EEF1AKMT3: variants seen among roughly 807,000 people sequenced by gnomAD.
EEF1AKMT3 encodes EEF1A lysine methyltransferase 3.
EEF1AKMT3 carries 17 observed loss-of-function variants against 17.8 expected under a neutral mutation model. The observed-to-expected ratio is 0.96, with a 90% CI of 0.65 to 1.43. The LOEUF is 1.43. Among genes scored for constraint, EEF1AKMT3 ranks in the 40% most tolerant of loss-of-function variants. The probability of loss-of-function intolerance (pLI) is 0.00; values close to 1 mark genes in which losing one functional copy is unlikely to be tolerated. For synonymous variants in EEF1AKMT3, 116 were observed against 126.5 expected (o/e 0.92, Z 0.56); for missense variants, 244 against 285.8 (o/e 0.85, Z 1.06).
chr12:57,780,236 C>A lies in EEF1AKMT3; in HGVS notation c.290-19C>A. 1 of 1,605,668 alleles carries A rather than the reference C, an allele frequency of 6.2e-7. No individual in the cohort carries two copies. Among genetic ancestry groups the A allele is most frequent in the South Asian group, 1.1e-5 (1 of 90,134 alleles). On this transcript the variant is annotated intron_variant, in intron 2 of 2. Coordinates refer to ENST00000300209, the MANE Select transcript of EEF1AKMT3 (RefSeq NM_015433.3). Reference sequence around the variant, plus strand: ...GTTGGTTCCTCTGACTTGCATTTTTCCTCCTTCCTCTCTCTCAGGGGGGGA... The same window carrying A: ...GTTGGTTCCTCTGACTTGCATTTTTACTCCTTCCTCTCTCTCAGGGGGGGA...
Position 57,780,418 on chromosome 12 carries a change from T to C in EEF1AKMT3, c.453T>C (p.Asp151=). 1 of 1,614,174 alleles carries C rather than the reference T, an allele frequency of 6.2e-7. No individual in the cohort carries two copies. The highest frequency in any genetic ancestry group is 8.5e-7 in the Non-Finnish European group (1 of 1,180,030). The stretch of plus-strand genomic sequence containing the variant: ...ACTATGACCTGGTGCTGGGGGCTGA[T>C]ATCGTGTACCTGGAACCCACCTTCC... ...PANYDLVLGA[D]IVYLEPTFPL... The change falls in exon 3 of 3, where the codon GAT becomes GAC. Residue 151 remains aspartate (D), a synonymous_variant. Transcript: ENST00000300209.
Position 57,780,654 on chromosome 12 carries a change from C to A in EEF1AKMT3, c.*8C>A. The A allele has an allele frequency of 6.2e-7, 1 of 1,603,538 alleles. No homozygotes were observed. The highest frequency in any genetic ancestry group is 8.5e-7 in the Non-Finnish European group (1 of 1,179,808). ...GAACCAAGACCTGCTTGACATCACC[C>A]TTGCTGTTCTTCTCAATCTCTTGCT... On this transcript the variant is annotated 3_prime_UTR_variant, in exon 3 of 3. Coordinates refer to ENST00000300209, the MANE Select transcript of EEF1AKMT3 (RefSeq NM_015433.3).
In EEF1AKMT3 at chr12:57,780,252, CA is replaced by C. The variant is rs768959439; in HGVS notation, c.290-2del. 89 of 1,610,578 alleles carry C rather than the reference CA, an allele frequency of 5.5e-5. No individual in the cohort carries two copies. The highest frequency in any genetic ancestry group is 3.6e-4 in the East Asian group (16 of 44,860). On this transcript the variant is annotated splice_acceptor_variant, in intron 2 of 2. Coordinates refer to ENST00000300209, the MANE Select transcript of EEF1AKMT3 (RefSeq NM_015433.3). LOFTEE classifies it high-confidence loss of function. Reference sequence around the variant, plus strand: ...TGCATTTTTCCTCCTTCCTCTCTCTCAGGGGGGGATGTTACCATCACTGACC... The same window carrying C: ...TGCATTTTTCCTCCTTCCTCTCTCTCGGGGGGGATGTTACCATCACTGACC...
intron 2 of EEF1AKMT3, 45 bp from the exon 3 acceptor site, chr12:57,780,210 G>T (rs748767814): frequency 6.2e-7 from 1 of 1,601,132 alleles, no homozygotes; most frequent in Non-Finnish European, 8.5e-7. Context: ...AAGAACCCTT[G>T]GTTGGTTCCT....
At chr12:57,774,427 C>G (rs1955466793) in intron 2 of EEF1AKMT3, among the ~76,000 whole-genome samples, 1 of 152,176 alleles carries the variant, frequency 6.6e-6, no homozygotes. Context: ...TTGCAGTGAA[C>G]TGAGATCGCA....
rs1295158758 is a variant in EEF1AKMT3, at chr12:57,772,703, A to G, written c.-22A>G. The G allele has an allele frequency of 6.2e-7, 1 of 1,603,728 alleles. No individual in the cohort carries two copies. Among genetic ancestry groups the G allele is most frequent in the African/African-American group, 1.3e-5 (1 of 74,832 alleles). The stretch of plus-strand genomic sequence containing the variant: ...GATCTGAGCGCCGGCCGCGGTGCCC[A>G]GGCACTCCCTTGGCGGGCCGGATGG... On this transcript the variant is annotated 5_prime_UTR_variant, in exon 1 of 3. Coordinates refer to ENST00000300209, the MANE Select transcript of EEF1AKMT3 (RefSeq NM_015433.3). This position sits in a 1 kb window ranked among gnomAD's most constrained non-coding sequence, Gnocchi z 4.1.
Position 57,772,679 on chromosome 12 carries a change from A to T in EEF1AKMT3, c.-46A>T, listed in dbSNP as rs1460823377. 2.6e-6 allele frequency: 4 copies of T among 1,567,954 alleles called. No individual in the cohort carries two copies. The African/African-American group carries it at 5.4e-5, about 21-fold the overall frequency. ...GCCTCTACCCCGCTCCGGATCCGGG[A>T]TCTGAGCGCCGGCCGCGGTGCCCAG... On this transcript the variant is annotated 5_prime_UTR_variant, in exon 1 of 3. Transcript: ENST00000300209. The surrounding 1 kb of genome is among the most constrained non-coding windows in gnomAD (Gnocchi z 4.1).
rs1451511941 is a variant in EEF1AKMT3 at position 57,781,985 on chromosome 12, C to T, written c.*1339C>T. 2.6e-5 allele frequency: 4 copies of T among 152,192 alleles called. No homozygotes were observed. The highest frequency in any genetic ancestry group is 9.7e-5 in the African/African-American group (4 of 41,446). The allele number at this position is 152,192 out of a possible 1,614,324, so 9.4% of individuals were successfully genotyped here. A position where few individuals can be genotyped will look rare whatever the true frequency, so the allele number is the denominator to read the frequency against. ...GTGATCCAAAATTACCTTCCTATTGCATTTCCTACTCCTTTGCTACGTGTA... is the reference window on the plus strand; with the variant it reads ...GTGATCCAAAATTACCTTCCTATTGTATTTCCTACTCCTTTGCTACGTGTA... On this transcript the variant is annotated 3_prime_UTR_variant, in exon 3 of 3. Coordinates refer to ENST00000300209, the MANE Select transcript of EEF1AKMT3 (RefSeq NM_015433.3).
chr12:57,773,206 G>C (rs1232490242), intron 2 of EEF1AKMT3, 78 bp downstream of exon 2: 3 of 1,357,000 alleles, frequency 2.2e-6, no homozygotes, highest in African/African-American at 2.9e-5. Flanking sequence ...GATCTTTGGG[G>C]GAGAGGGGAG....
At position 57,780,484 on chromosome 12, in the gene EEF1AKMT3, T is replaced by C. The variant is rs1469623478; in HGVS notation, c.519T>C (p.His173=). Reference sequence around the variant, plus strand: ...CCCTCCAACACCTGTGCAGGCCCCATGGCACCATCTATCTGGCCTCCAAGA... The same window carrying C: ...CCCTCCAACACCTGTGCAGGCCCCACGGCACCATCTATCTGGCCTCCAAGA... ...LGTLQHLCRP[H]GTIYLASKMR... Residue 173 remains histidine (H), a synonymous_variant, in exon 3 of 3, where the codon CAT becomes CAC. Coordinates refer to ENST00000300209, the MANE Select transcript of EEF1AKMT3 (RefSeq NM_015433.3). 2 of 1,614,194 alleles carry C rather than the reference T, an allele frequency of 1.2e-6. No individual in the cohort carries two copies. Among genetic ancestry groups the C allele is most frequent in the South Asian group, 2.2e-5 (2 of 91,084 alleles).
At chr12:57,776,450 G>A (rs552637045) in intron 2 of EEF1AKMT3, among the ~76,000 whole-genome samples, 51 of 152,278 alleles carry the variant, frequency 3.3e-4, no homozygotes, top group African/African-American at 1.1e-3. Flanking sequence ...TGCTAACTGG[G>A]CTAATTTTAA....
intron 2 of EEF1AKMT3, among the ~76,000 whole-genome samples, chr12:57,775,325 A>T (rs1955473724): frequency 1.3e-5 from 2 of 149,760 alleles, no homozygotes; most frequent in South Asian, 4.2e-4. Flanking sequence ...CTTGTCCCTC[A>T]CTTTCTCCCC....
Position 57,781,418 on chromosome 12 carries a change from C to T in EEF1AKMT3, c.*772C>T, listed in dbSNP as rs11172335. 40,248 of 151,496 alleles carry T rather than the reference C, an allele frequency of 0.27. 6,755 individuals carry two copies. The highest frequency in any genetic ancestry group is 0.65 in the East Asian group (3,341 of 5,130). 9.4% of individuals were successfully genotyped at this position (151,496 alleles called of 1,614,324 possible). A position where few individuals can be genotyped will look rare whatever the true frequency, so the allele number is the denominator to read the frequency against. On this transcript the variant is annotated 3_prime_UTR_variant, in exon 3 of 3. Transcript: ENST00000300209. Reference sequence around the variant, plus strand: ...CTTAAAAATCTATTGTGCAAGAACCCAACTTTTACTCAGGAGCTGAGAAGG... The same window carrying T: ...CTTAAAAATCTATTGTGCAAGAACCTAACTTTTACTCAGGAGCTGAGAAGG...
chr12:57,780,584 CGGGATGAGGATGAAAA>C lies in EEF1AKMT3; in HGVS notation c.620_635del (p.Arg207LeufsTer28), dbSNP rs1402267381. On this transcript the variant is annotated frameshift_variant, in exon 3 of 3. Transcript: ENST00000300209. LOFTEE classifies it high-confidence loss of function. ...GCATTTCCAACTGGAGCTGGCTCAGCGGGATGAGGATGAAAATGTCAACATCTATAGGGCCAGGCAC... is the reference window on the plus strand; with the variant it reads ...GCATTTCCAACTGGAGCTGGCTCAGCTGTCAACATCTATAGGGCCAGGCAC... 1 of 1,613,292 alleles carries C rather than the reference CGGGATGAGGATGAAAA, an allele frequency of 6.2e-7. No homozygotes were observed. The highest frequency in any genetic ancestry group is 8.5e-7 in the Non-Finnish European group (1 of 1,180,034).
Position 57,780,464 on chromosome 12 carries a change from C to CA in EEF1AKMT3, c.501dup (p.His168ThrfsTer42), listed in dbSNP as rs776018735. ...CTTCCCTCTGCTGCTGGGGACCCTCCAACACCTGTGCAGGCCCCATGGCAC... is the reference window on the plus strand; with the variant it reads ...CTTCCCTCTGCTGCTGGGGACCCTCCAAACACCTGTGCAGGCCCCATGGCAC... On this transcript the variant is annotated frameshift_variant, in exon 3 of 3. Transcript: ENST00000300209. LOFTEE classifies it high-confidence loss of function. 2 of 1,614,196 alleles carry CA rather than the reference C, an allele frequency of 1.2e-6. No individual in the cohort carries two copies. Among genetic ancestry groups the CA allele is most frequent in the Admixed American group, 1.7e-5 (1 of 60,018 alleles).
rs367973657 is a variant in EEF1AKMT3, at chr12:57,780,519, A to G, written c.554A>G (p.Glu185Gly). The G allele has an allele frequency of 2.3e-5, 37 of 1,614,188 alleles. No individual in the cohort carries two copies. The highest frequency in any genetic ancestry group is 3.1e-5 in the Non-Finnish European group (37 of 1,180,018). The change falls in exon 3 of 3, where the codon GAG (glutamate) becomes GGG (glycine). Residue 185 changes from glutamate to glycine, a missense_variant. Coordinates refer to ENST00000300209, the MANE Select transcript of EEF1AKMT3 (RefSeq NM_015433.3). ...TIYLASKMRK[E>G]HGTESFFQHL... is the part of the protein sequence containing the mutation. The stretch of plus-strand genomic sequence containing the variant: ...TATCTGGCCTCCAAGATGAGAAAGG[A>G]GCATGGGACAGAGAGCTTCTTTCAG...
At chr12:57,774,679 C>T (rs11172329) in intron 2 of EEF1AKMT3, 1 of 1,611,082 alleles carries the variant, frequency 6.2e-7, no homozygotes, top group South Asian at 1.1e-5. Context: ...AGAACAAGAA[C>T]TCTGGCGAGG....
rs1955478202 is a variant in EEF1AKMT3 at position 57,775,944 on chromosome 12, C to T, written c.289+2816C>T. Among the ~76,000 whole-genome samples the T allele has an allele frequency of 2.0e-5, 3 of 152,192 alleles. No individual in the cohort carries two copies. In the South Asian group the frequency reaches 6.2e-4, roughly 31 times the overall value. On this transcript the variant is annotated intron_variant, in intron 2 of 2. Transcript: ENST00000300209. ...AAATCTTCTCATGTTTTTCCATCTC[C>T]ATTGACAGCTCCCCAGTCCAAACCA...
At chr12:57,774,456 G>A (rs1955466981) in intron 2 of EEF1AKMT3, among the ~76,000 whole-genome samples, 1 of 151,916 alleles carries the variant, frequency 6.6e-6, no homozygotes, top group South Asian at 2.1e-4. Context: ...CTCCAGCCTG[G>A]GCAACAAGAG....
Sources: gnomAD v4.1 joint callset for allele counts (sites outside exome capture counted in the v4.1 genomes callset) on GRCh38, gnomAD v4.1.1 for gene constraint, Gnocchi (gnomAD v3.1) non-coding constraint, MANE v1.5 for transcripts, NCBI Gene and HGNC (gene_info 2026-07-23, HGNC 2026-07-21) for gene names.